CRYBA4: variants seen among roughly 807,000 people sequenced by gnomAD.
The protein encoded by CRYBA4 is crystallin beta A4, also known as beta-crystallin A4.
Under a neutral mutation model 31.7 loss-of-function variants are expected in CRYBA4, and 30 were observed. The ratio of observed to expected loss-of-function variants is 0.95; its 90% CI spans 0.71 to 1.28. CRYBA4 has a LOEUF of 1.28. Ranked by LOEUF, CRYBA4 falls within the 50% of genes most tolerant of loss-of-function variation. CRYBA4 has a pLI of 0.00. For missense variants in CRYBA4, 225 were observed against 260.7 expected (o/e 0.86, Z 0.94); for synonymous variants, 102 against 102.3 (o/e 1.00, Z 0.02).
At chr22:26,605,215 A>G in the CRYBA4 span, among the ~76,000 whole-genome samples, 5 of 152,154 alleles carry the variant, frequency 3.3e-5, no homozygotes, top group African/African-American at 7.2e-5. Context: ...GTTAGATTGC[A>G]TGGCCTTTGT....
chr22:26,623,411 G>A (rs970323365), intron 3 of CRYBA4, 59 bp downstream of exon 3: 11 of 1,357,012 alleles, frequency 8.1e-6, no homozygotes, highest in Admixed American at 1.7e-5. Flanking sequence ...ACCTAGAGAC[G>A]GGTGCTAGGA....
chr22:26,606,690 A>G, the CRYBA4 span, among the ~76,000 whole-genome samples: 2 of 152,260 alleles, frequency 1.3e-5, no homozygotes, highest in Non-Finnish European at 2.9e-5. Flanking sequence ...TGAATAATCC[A>G]TTAAGATAAA....
the CRYBA4 span, among the ~76,000 whole-genome samples, chr22:26,615,599 C>T: frequency 2.0e-5 from 3 of 151,272 alleles, no homozygotes; most frequent in Non-Finnish European, 4.4e-5. Flanking sequence ...CTGCAACCTC[C>T]GCCTCCTGGG....
At chr22:26,608,948 C>T in the CRYBA4 span, among the ~76,000 whole-genome samples, 1 of 151,940 alleles carries the variant, frequency 6.6e-6, no homozygotes, top group Non-Finnish European at 1.5e-5. Context: ...CCTGGCTTTC[C>T]CAGTGAAGAT....
At chr22:26,596,439 A>G in the CRYBA4 span, among the ~76,000 whole-genome samples, 14 of 152,218 alleles carry the variant, frequency 9.2e-5, no homozygotes, top group Non-Finnish European at 2.1e-4. Context: ...AATTTCTAGT[A>G]TGTTTACCTT....
chr22:26,608,925 G>A, the CRYBA4 span, among the ~76,000 whole-genome samples: 53 of 152,292 alleles, frequency 3.5e-4, no homozygotes, highest in African/African-American at 1.2e-3. Flanking sequence ...TTTGAAATTA[G>A]ATGGAAGATT....
At chr22:26,621,808 T>A (rs1248855033), upstream of CRYBA4, among the ~76,000 whole-genome samples, 3 of 152,190 alleles carry the variant, frequency 2.0e-5, no homozygotes, top group Admixed American at 2.0e-4. Flanking sequence ...TTTCCCTCCC[T>A]GCTAAAGCCA....
At chr22:26,610,163 G>C in the CRYBA4 span, among the ~76,000 whole-genome samples, 1 of 152,096 alleles carries the variant, frequency 6.6e-6, no homozygotes, top group Non-Finnish European at 1.5e-5. Flanking sequence ...ATTTCAACCC[G>C]CAAGCAGGGA....
chr22:26,620,264 T>A (rs890469406), upstream of CRYBA4, among the ~76,000 whole-genome samples: 1 of 152,238 alleles, frequency 6.6e-6, no homozygotes, highest in African/African-American at 2.4e-5. Flanking sequence ...ATGGTGATGA[T>A]GAAGATGATG....
At chr22:26,616,787 G>A in the CRYBA4 span, among the ~76,000 whole-genome samples, 1 of 152,198 alleles carries the variant, frequency 6.6e-6, no homozygotes, top group Admixed American at 6.5e-5. Flanking sequence ...CGATGGAGTA[G>A]CTGCTATCAT....
chr22:26,626,190 C>CCAGGAGTT (rs1929699689), intron 4 of CRYBA4, among the ~76,000 whole-genome samples: 1 of 152,066 alleles, frequency 6.6e-6, no homozygotes, highest in Non-Finnish European at 1.5e-5. Flanking sequence ...TCACTTGAGG[C>CCAGGAGTT]CAGGAGTTCA....
chr22:26,592,999 C>G, the CRYBA4 span, among the ~76,000 whole-genome samples: 2 of 152,188 alleles, frequency 1.3e-5, no homozygotes, highest in Non-Finnish European at 2.9e-5. Context: ...CTCAATCTGT[C>G]TGTCACCTCC....
intron 2 of CRYBA4, 29 bp downstream of exon 2, chr22:26,622,664 CA>C (rs758328253): frequency 1.3e-5 from 20 of 1,517,488 alleles, no homozygotes; most frequent in South Asian, 1.2e-4. Flanking sequence ...AGGGGGTGTT[CA>C]GGGGGTATGG....
chr22:26,610,670 G>A, the CRYBA4 span, among the ~76,000 whole-genome samples: 1 of 152,162 alleles, frequency 6.6e-6, no homozygotes. Flanking sequence ...CGGGCAGGGA[G>A]GTGGGTACGT....
chr22:26,608,577 G>A, the CRYBA4 span, among the ~76,000 whole-genome samples: 76 of 152,284 alleles, frequency 5.0e-4, no homozygotes, highest in African/African-American at 1.8e-3. Flanking sequence ...ATTTTGTATG[G>A]ATACCTTTTA....
intron 5 of CRYBA4, 125 bp from the exon 6 acceptor site, chr22:26,630,215 T>C: frequency 8.1e-7 from 1 of 1,227,400 alleles, no homozygotes; most frequent in Admixed American, 2.0e-5. Context: ...CATGGCACAT[T>C]GTGAGCACTG....
upstream of CRYBA4, among the ~76,000 whole-genome samples, chr22:26,619,980 ATTTTCTTTTCTTT>A (rs1186239329): frequency 5.7e-4 from 79 of 138,096 alleles, no homozygotes; most frequent in African/African-American, 1.5e-3. Context: ...GAGCCAATTT[ATTTTCTTTTCTTT>A]TTTTCTTTTC....
intron 2 of CRYBA4, among the ~76,000 whole-genome samples, 157 bp downstream of exon 2, chr22:26,622,792 G>T (rs1929573832): frequency 6.6e-6 from 1 of 152,188 alleles, no homozygotes; most frequent in Admixed American, 6.5e-5. Context: ...CAGGGAGGTT[G>T]AATGTGAATT....
rs759565876 is a variant in CRYBA4 at position 26,628,276 on chromosome 22, C to T, written c.301-12C>T. 1.9e-6 allele frequency: 3 copies of T among 1,613,908 alleles called. No individual in the cohort carries two copies. In the Admixed American group the frequency reaches 5.0e-5, roughly 27 times the overall value. On this transcript the variant is annotated splice_polypyrimidine_tract_variant and intron_variant, in intron 4 of 5. Transcript: ENST00000354760. ...GAGCCTGCTGGTCTGACTGTGTTCC[C>T]TGTTCCTGTAGAACCACCGTGACTC...
Sources: allele counts gnomAD v4.1 joint callset (sites outside exome capture counted in the v4.1 genomes callset), GRCh38; gene constraint gnomAD v4.1.1; transcripts MANE v1.5; gene names NCBI Gene and HGNC (gene_info 2026-07-23, HGNC 2026-07-21).